IQCE: variants seen among roughly 807,000 people sequenced by gnomAD.
The protein encoded by IQCE is IQ domain-containing protein E.
A neutral mutation model predicts 96.0 loss-of-function variants in IQCE; 115 were observed. That is an observed-to-expected ratio of 1.20 (90% confidence interval 1.03 to 1.40). IQCE has a LOEUF of 1.40. IQCE is among the 40% of genes most tolerant of loss of function. The pLI is 0.00. For synonymous variants in IQCE, 412 were observed against 371.2 expected, an observed-to-expected ratio of 1.11 and a Z score of -1.26; for missense variants, 1,041 against 909.1, an observed-to-expected ratio of 1.15 and a Z score of -1.87.
intron 1 of IQCE, among the ~76,000 whole-genome samples, chr7:2,561,040 C>T (rs1320401355): frequency 6.6e-6 from 1 of 151,070 alleles, no homozygotes; most frequent in East Asian, 2.0e-4. Context: ...TCACTGCAGT[C>T]TCTGCCTCCC....
intron 6 of IQCE, among the ~76,000 whole-genome samples, chr7:2,576,865 C>G (rs540411917): frequency 2.0e-5 from 3 of 152,202 alleles, no homozygotes; most frequent in African/African-American, 7.2e-5. Context: ...AAAATGCGAA[C>G]AAAACGGACT....
chr7:2,594,997 AG>A, intron 16 of IQCE, 21 bp downstream of exon 16: 6 of 1,544,236 alleles, frequency 3.9e-6, no homozygotes, highest in Non-Finnish European at 5.4e-6. Flanking sequence ...CATTCAGTTG[AG>A]TCTCCCGTCA....
chr7:2,567,539 C>A (rs1781469966), intron 2 of IQCE, among the ~76,000 whole-genome samples: 1 of 152,186 alleles, frequency 6.6e-6, no homozygotes, highest in African/African-American at 2.4e-5. Flanking sequence ...AGCCGCCATC[C>A]CAAGCTGAAC....
rs187098250 is a variant in IQCE at position 2,609,353 on chromosome 7, C to T, written c.1970-691C>T. On this transcript the variant is annotated intron_variant, in intron 21 of 21. Coordinates refer to ENST00000402050, the MANE Select transcript of IQCE (RefSeq NM_152558.5). ...TTGAAGTGCAGTCTAGCTGTGTTGC[C>T]CAGGCTGGTCTGGAACTCCTGGGTT... Among the ~76,000 whole-genome samples, 8 of 150,642 alleles carry T rather than the reference C, an allele frequency of 5.3e-5. 1 individual carries two copies. Among genetic ancestry groups the T allele is most frequent in the Non-Finnish European group, 1.2e-4 (8 of 67,814 alleles).
At chr7:2,563,938 A>G (rs1403135140) in intron 1 of IQCE, among the ~76,000 whole-genome samples, 1 of 150,358 alleles carries the variant, frequency 6.7e-6, no homozygotes, top group African/African-American at 2.5e-5. Context: ...AGCCGGGCAC[A>G]GTGGTTCACG....
At chr7:2,591,322 G>A (rs1331177331) in intron 14 of IQCE, among the ~76,000 whole-genome samples, 3 of 152,112 alleles carry the variant, frequency 2.0e-5, no homozygotes, top group Non-Finnish European at 2.9e-5. Context: ...GGAAGGCAGG[G>A]CCTCACCGGG....
chr7:2,575,431 G>A (rs1010922091), intron 6 of IQCE, among the ~76,000 whole-genome samples: 12 of 152,248 alleles, frequency 7.9e-5, no homozygotes, highest in South Asian at 6.2e-4. Context: ...TGGGAGGGAA[G>A]GGCCACCTGT....
At position 2,567,235 on chromosome 7, in the gene IQCE, C is replaced by T. The variant is rs1055395872; in HGVS notation, c.84+72C>T. The T allele has an allele frequency of 4.3e-6, 5 of 1,167,764 alleles. No individual in the cohort carries two copies. The African/African-American group carries it at 4.5e-5, about 11-fold the overall frequency. 72.3% of individuals were successfully genotyped at this position (1,167,764 alleles called of 1,614,324 possible). ...TGCCCTTGCAGACTGCACTCGGAAG[C>T]GTAAAATAGGCCGTTCTCCACAATA... On this transcript the variant is annotated intron_variant, in intron 2 of 21. Coordinates refer to ENST00000402050, the MANE Select transcript of IQCE (RefSeq NM_152558.5).
intron 10 of IQCE, among the ~76,000 whole-genome samples, chr7:2,584,033 G>A (rs574789026): frequency 2.0e-5 from 3 of 151,808 alleles, no homozygotes; most frequent in East Asian, 1.9e-4. Context: ...CGCTGGCCCC[G>A]GGTGGTGGGC....
At chr7:2,584,306 CTG>C (rs1305672509) in intron 11 of IQCE, 21 bp downstream of exon 11, 4 of 1,612,582 alleles carry the variant, frequency 2.5e-6, no homozygotes, top group Non-Finnish European at 3.4e-6. Flanking sequence ...CGCTTGCAAG[CTG>C]TGTTTTGTGT....
In IQCE at chr7:2,612,801, C is replaced by G; in HGVS notation, c.*2639C>G. ...TGGGAGGGGTGAGCTGTGAGTGGGG[C>G]TGAGCCATGGGAGCAGCAAGCTGGT... On this transcript the variant is annotated 3_prime_UTR_variant, in exon 22 of 22. Transcript: ENST00000402050. 1 of 153,024 alleles carries G rather than the reference C, an allele frequency of 6.5e-6. No individual in the cohort carries two copies. The allele number at this position is 153,024 out of a possible 1,614,324, so 9.5% of individuals were successfully genotyped here.
rs372897236 is a variant in IQCE at position 2,590,046 on chromosome 7, G to A, written c.1184G>A (p.Gly395Glu). ...DRNKDHERLR[G>E]AVRDLKEERT... is the part of the protein sequence containing the mutation. The stretch of plus-strand genomic sequence containing the variant: ...AACAAGGACCACGAGCGTCTCCGAG[G>A]GGCTGTGAGAGACCTGAAGGAAGAG... Residue 395 changes from glycine to glutamate, a missense_variant, in exon 14 of 22, where the codon GGG becomes GAG. Transcript: ENST00000402050. 4.0e-5 allele frequency: 64 copies of A among 1,613,518 alleles called. No homozygotes were observed. The highest frequency in any genetic ancestry group is 5.4e-5 in the Non-Finnish European group (64 of 1,179,954).
chr7:2,563,085 C>T (rs1189350381), intron 1 of IQCE, among the ~76,000 whole-genome samples: 1 of 152,080 alleles, frequency 6.6e-6, no homozygotes, highest in Admixed American at 6.5e-5. Context: ...GCCACCATGC[C>T]TGGCGAATTT....
At position 2,604,814 on chromosome 7, in the gene IQCE, C is replaced by G; in HGVS notation, c.1633-67C>G. 5 of 1,136,610 alleles carry G rather than the reference C, an allele frequency of 4.4e-6. No individual in the cohort carries two copies. The Admixed American group carries it at 7.4e-5, about 17-fold the overall frequency. 70.4% of individuals were successfully genotyped at this position (1,136,610 alleles called of 1,614,324 possible). ...CGTGGCAGCTCTCTCCTCGGCGCCT[C>G]CCTCTCGCCCGCCGTTGCCCCGGGC... On this transcript the variant is annotated intron_variant, in intron 18 of 21. Transcript: ENST00000402050.
intron 6 of IQCE, among the ~76,000 whole-genome samples, chr7:2,576,384 A>G (rs533162690): frequency 8.5e-4 from 129 of 152,240 alleles, no homozygotes; most frequent in African/African-American, 1.8e-3. Context: ...GAATAAACTT[A>G]GTTTTGTGAG....
intron 8 of IQCE, chr7:2,582,158 C>G (rs1782723526): frequency 4.6e-6 from 2 of 438,696 alleles, no homozygotes; most frequent in Admixed American, 5.6e-5. Context: ...GCGCTGTCTC[C>G]CACCCTCACT....
Position 2,606,983 on chromosome 7 carries a change from G to A in IQCE, c.1866-141G>A, listed in dbSNP as rs1583524171. On this transcript the variant is annotated intron_variant, in intron 20 of 21. Coordinates refer to ENST00000402050, the MANE Select transcript of IQCE (RefSeq NM_152558.5). ...TGGGTGCATATTGGGTACAGCGCTG[G>A]TCGTGGGGCTCGGGACTGGCTCTGT... 1.4e-5 allele frequency: 10 copies of A among 726,086 alleles called. No homozygotes were observed. The East Asian group carries it at 3.0e-4, about 22-fold the overall frequency. 45.0% of individuals were successfully genotyped at this position (726,086 alleles called of 1,614,324 possible). A position where few individuals can be genotyped will look rare whatever the true frequency, so the allele number is the denominator to read the frequency against.
chr7:2,578,300 A>G lies in IQCE; in HGVS notation c.524A>G (p.Glu175Gly). Residue 175 changes from glutamate (E) to glycine (G), a missense_variant, in exon 7 of 22, where the codon GAG (glutamate) becomes GGG (glycine). Coordinates refer to ENST00000402050, the MANE Select transcript of IQCE (RefSeq NM_152558.5). ...ATGAGAACGAAGCTCCGGCGCCTGG[A>G]GGAGGAAAACAGCAGGAAGGACCGG... ...DLMRTKLRRL[E>G]EENSRKDRQI... 6.2e-7 allele frequency: 1 copy of G among 1,613,764 alleles called. No individual in the cohort carries two copies. Among genetic ancestry groups the G allele is most frequent in the Non-Finnish European group, 8.5e-7 (1 of 1,179,928 alleles).
chr7:2,572,053 C>T, intron 4 of IQCE, 139 bp from the exon 5 acceptor site: 1 of 894,722 alleles, frequency 1.1e-6, no homozygotes, highest in South Asian at 1.6e-5. Context: ...GGTTGGTTAA[C>T]CATTTACCAG....
Sources: gnomAD v4.1 joint callset for allele counts (sites outside exome capture counted in the v4.1 genomes callset) on GRCh38, gnomAD v4.1.1 for gene constraint, MANE v1.5 for transcripts, NCBI Gene and HGNC (gene_info 2026-07-23, HGNC 2026-07-21) for gene names.